MBD6: variants seen among roughly 807,000 people sequenced by gnomAD.
MBD6 encodes the protein methyl-CpG-binding domain protein 6.
In MBD6, 22 loss-of-function variants were observed where a neutral mutation model predicts 66.8. The ratio of observed to expected loss-of-function variants is 0.33; its 90% CI spans 0.24 to 0.47. The LOEUF (loss-of-function observed/expected upper bound fraction) is 0.47. Among genes scored for constraint, MBD6 ranks in the 20% least tolerant of loss-of-function variants. MBD6 has a pLI of 1.00. For synonymous variants in MBD6, 540 were observed against 534.6 expected, an observed-to-expected ratio of 1.01 and a Z score of -0.14; for missense variants, 1,322 against 1,286.9, an observed-to-expected ratio of 1.03 and a Z score of -0.42.
chr12:57,530,837 C>G, downstream of MBD6: 15 of 1,351,192 alleles, frequency 1.1e-5, no homozygotes, highest in Non-Finnish European at 1.6e-5. Flanking sequence ...GGATGAGGAC[C>G]TGAAGGAATT....
chr12:57,528,090 A>T, intron 9 of MBD6, 57 bp from the exon 10 acceptor site: 1 of 1,537,158 alleles, frequency 6.5e-7, no homozygotes, highest in African/African-American at 1.4e-5. Context: ...TTTCTGAGTT[A>T]TAGTAGAAGA....
rs1414883105 is a variant in MBD6, at chr12:57,525,868, C to T, written c.900C>T (p.Val300=). The T allele has an allele frequency of 6.8e-6, 11 of 1,612,816 alleles. No homozygotes were observed. In the Admixed American group the frequency reaches 1.8e-4, roughly 27 times the overall value. Residue 300 remains valine (V), a synonymous_variant, in exon 6 of 13, where the codon GTC becomes GTT. Coordinates refer to ENST00000355673, the MANE Select transcript of MBD6 (RefSeq NM_052897.4). The part of the protein sequence containing the change: ...VSSATMHLPL[V]LGPLGGAPTV... Reference sequence around the variant, plus strand: ...CAGCCACTATGCACCTGCCCCTGGTCCTGGGGCCCCTGGGAGGGGCCCCCA... The same window carrying T: ...CAGCCACTATGCACCTGCCCCTGGTTCTGGGGCCCCTGGGAGGGGCCCCCA...
At chr12:57,522,774 G>A, upstream of MBD6, 1 of 159,414 alleles carries the variant, frequency 6.3e-6, no homozygotes. Flanking sequence ...GGCGGCGGCA[G>A]CGGCAGCAGC....
rs781571009 is a variant in MBD6, at chr12:57,524,841, G to A, written c.216+19G>A. On this transcript the variant is annotated intron_variant, in intron 4 of 12. Transcript: ENST00000355673. Reference sequence around the variant, plus strand: ...CCCCAAGGTCAGAGTGGTGAGGGGCGCCTGAGAGTACAGAGATAAGCTAAA... The same window carrying A: ...CCCCAAGGTCAGAGTGGTGAGGGGCACCTGAGAGTACAGAGATAAGCTAAA... 14 of 1,613,576 alleles carry A rather than the reference G, an allele frequency of 8.7e-6. No homozygotes were observed. Among genetic ancestry groups the A allele is most frequent in the East Asian group, 2.2e-5 (1 of 44,898 alleles).
At chr12:57,525,255 G>T in intron 5 of MBD6, 93 bp from the exon 6 acceptor site, 1 of 1,481,558 alleles carries the variant, frequency 6.7e-7, no homozygotes, top group South Asian at 1.3e-5. Flanking sequence ...GGCACAGGGA[G>T]GTTGGGAACT....
At chr12:57,522,047 T>G (rs1878380752), upstream of MBD6, 1 of 152,088 alleles carries the variant, frequency 6.6e-6, no homozygotes, top group South Asian at 2.1e-4. Flanking sequence ...ATTTTTCTTG[T>G]GCCTTGAAAA....
chr12:57,524,637 T>G lies in MBD6; in HGVS notation c.114-83T>G, dbSNP rs750891405. The G allele has an allele frequency of 6.1e-6, 8 of 1,301,722 alleles. No homozygotes were observed. The African/African-American group carries it at 8.7e-5, about 14-fold the overall frequency. The allele number at this position is 1,301,722 out of a possible 1,614,324, so 80.6% of individuals were successfully genotyped here. ...TATCCTCTGTTCTTCTAGGAGGATC[T>G]GTAACTTAAGCACTGTGCTTTAGGA... On this transcript the variant is annotated intron_variant, in intron 3 of 12. Transcript: ENST00000355673.
At chr12:57,527,735 TAAATTGGGGAAGA>T in intron 8 of MBD6, 75 bp downstream of exon 8, 2 of 1,552,656 alleles carry the variant, frequency 1.3e-6, no homozygotes, top group Non-Finnish European at 1.7e-6. Flanking sequence ...AGTGGCTGAA[TAAATTGGGGAAGA>T]AAGTCTTTGG....
At chr12:57,530,671 T>TC, downstream of MBD6, 1 of 1,608,814 alleles carries the variant, frequency 6.2e-7, no homozygotes, top group Non-Finnish European at 8.5e-7. Flanking sequence ...ACCCCTGTTC[T>TC]CCAGCTCCCA....
At position 57,528,560 on chromosome 12, in the gene MBD6, G is replaced by A; in HGVS notation, c.2820G>A (p.Lys940=). 6.2e-7 allele frequency: 1 copy of A among 1,611,036 alleles called. No homozygotes were observed. The highest frequency in any genetic ancestry group is 8.5e-7 in the Non-Finnish European group (1 of 1,178,190). ...PPPGPHSEDL[K]VPPGVVRKSR... is the part of the protein sequence containing the mutation. ...CCGGGCCCCATTCTGAGGACCTTAA[G>A]GTGAGTGCAGAGTGCTGGTAGTCTG... The change falls in exon 10 of 13, where the codon AAG becomes AAA. Residue 940 remains lysine, a splice_region_variant and synonymous_variant. Coordinates refer to ENST00000355673, the MANE Select transcript of MBD6 (RefSeq NM_052897.4).
At chr12:57,527,693 G>A (rs961520887) in intron 8 of MBD6, 33 bp downstream of exon 8, 2 of 1,563,260 alleles carry the variant, frequency 1.3e-6, no homozygotes, top group Non-Finnish European at 1.7e-6. Context: ...TCACACTCTT[G>A]GTGTGAAAAA....
At position 57,528,504 on chromosome 12, in the gene MBD6, G is replaced by C; in HGVS notation, c.2764G>C (p.Gly922Arg). The change falls in exon 10 of 13, where the codon GGG becomes CGG. Residue 922 changes from glycine (G) to arginine (R), a missense_variant. Coordinates refer to ENST00000355673, the MANE Select transcript of MBD6 (RefSeq NM_052897.4). ...GCAGCATAATGGGGAGCTGGCTGAAGGGGGTGCTGAGCCCAAGGATCCACC... is the reference window on the plus strand; with the variant it reads ...GCAGCATAATGGGGAGCTGGCTGAACGGGGTGCTGAGCCCAAGGATCCACC... ...HWQHNGELAE[G>R]GAEPKDPPPP... is the part of the protein sequence containing the mutation. The C allele has an allele frequency of 6.2e-7, 1 of 1,613,958 alleles. No homozygotes were observed. The highest frequency in any genetic ancestry group is 8.5e-7 in the Non-Finnish European group (1 of 1,179,960).
chr12:57,530,712 G>T (rs374783640), downstream of MBD6: 39 of 1,613,744 alleles, frequency 2.4e-5, 1 homozygote, highest in Admixed American at 4.5e-4. Context: ...TTCTTCATCC[G>T]TTCATCAATG....
At chr12:57,522,023 C>T (rs1046616621), upstream of MBD6, 1 of 152,168 alleles carries the variant, frequency 6.6e-6, no homozygotes, top group African/African-American at 2.4e-5. Context: ...AACGCACCAC[C>T]CAGAATGCAA....
Position 57,524,261 on chromosome 12 carries a change from T to G in MBD6, c.-24-19T>G. ...CAGTTTAATCCTCCTAGTGCCTACA[T>G]GGATGTCTGTGTTATCAGGCACGCG... On this transcript the variant is annotated intron_variant, in intron 2 of 12. Coordinates refer to ENST00000355673, the MANE Select transcript of MBD6 (RefSeq NM_052897.4). 1 of 1,417,898 alleles carries G rather than the reference T, an allele frequency of 7.1e-7. No individual in the cohort carries two copies. Among genetic ancestry groups the G allele is most frequent in the Non-Finnish European group, 9.6e-7 (1 of 1,042,650 alleles). 87.8% of individuals were successfully genotyped at this position (1,417,898 alleles called of 1,614,324 possible).
chr12:57,520,755 A>G (rs141463529), upstream of MBD6: 2 of 132,818 alleles, frequency 1.5e-5, no homozygotes, highest in South Asian at 2.8e-4. Flanking sequence ...TGGGTGAGTC[A>G]TGCGCGCGCG....
At chr12:57,521,410 C>A (rs1878329074), upstream of MBD6, among the ~76,000 whole-genome samples, 2 of 152,158 alleles carry the variant, frequency 1.3e-5, no homozygotes, top group South Asian at 4.1e-4. Context: ...TTGCAGTGAC[C>A]GAGATCGCGC....
In MBD6 at chr12:57,524,984, C is replaced by T. The variant is rs755052911; in HGVS notation, c.248C>T (p.Thr83Ile). 2.2e-5 allele frequency: 35 copies of T among 1,606,924 alleles called. No individual in the cohort carries two copies. The highest frequency in any genetic ancestry group is 2.9e-5 in the Non-Finnish European group (34 of 1,175,928). The change falls in exon 5 of 13, where the codon ACC (threonine) becomes ATC (isoleucine). Residue 83 changes from threonine (T) to isoleucine (I), a missense_variant. By Grantham distance (89) the Thr-to-Ile change is moderately conservative. Transcript: ENST00000355673. Reference protein sequence around the residue: ...VFNFDPLAPVTPGGAGVGPAS... With the variant: ...VFNFDPLAPVIPGGAGVGPAS... Reference sequence around the variant, plus strand: ...AACTTTGACCCTTTGGCCCCGGTGACCCCGGGTGGGGCTGGGGTGGGGCCA... The same window carrying T: ...AACTTTGACCCTTTGGCCCCGGTGATCCCGGGTGGGGCTGGGGTGGGGCCA...
At chr12:57,530,843 G>T, downstream of MBD6, 1 of 1,303,354 alleles carries the variant, frequency 7.7e-7, no homozygotes, top group Non-Finnish European at 1.1e-6. Flanking sequence ...GGACCTGAAG[G>T]AATTCTCTGA....
Sources: allele counts gnomAD v4.1 joint callset (sites outside exome capture counted in the v4.1 genomes callset), GRCh38; gene constraint gnomAD v4.1.1; transcripts MANE v1.5; gene names NCBI Gene and HGNC (gene_info 2026-07-23, HGNC 2026-07-21).